EPB41L2: variants seen among roughly 807,000 people sequenced by gnomAD.
EPB41L2 encodes band 4.1-like protein 2.
A neutral mutation model predicts 113.0 loss-of-function variants in EPB41L2; 43 were observed. The ratio of observed to expected loss-of-function variants is 0.38; its 90% CI spans 0.30 to 0.49. The LOEUF (loss-of-function observed/expected upper bound fraction) is 0.49. Ranked by LOEUF, EPB41L2 falls within the 20% of genes least tolerant of loss-of-function variation. The pLI is 0.95. For synonymous variants in EPB41L2, 442 were observed against 436.7 expected (o/e 1.01, Z -0.15); for missense variants, 1,147 against 1,223.4 (o/e 0.94, Z 0.93).
chr6:130,867,968 ACACACTCTCTCTCT>A (rs1285428011), intron 15 of EPB41L2: 66 of 133,316 alleles, frequency 5.0e-4, no homozygotes, highest in African/African-American at 8.1e-4. Context: ...ACACACACAC[ACACACTCTCTCTCT>A]CTCTCTCTCT....
intron 4 of EPB41L2, among the ~76,000 whole-genome samples, chr6:130,920,851 C>T (rs1236046680): frequency 6.6e-6 from 1 of 152,094 alleles, no homozygotes; most frequent in East Asian, 1.9e-4. Context: ...CCTTCACCTA[C>T]TCCCTGATCC....
chr6:130,898,589 T>C (rs1795339585), intron 8 of EPB41L2, among the ~76,000 whole-genome samples: 1 of 152,224 alleles, frequency 6.6e-6, no homozygotes, highest in African/African-American at 2.4e-5. Context: ...GGCAACCAAC[T>C]ATAGCGATGT....
At chr6:130,924,573 G>A (rs1804006158) in intron 4 of EPB41L2, among the ~76,000 whole-genome samples, 1 of 152,012 alleles carries the variant, frequency 6.6e-6, no homozygotes, top group African/African-American at 2.4e-5. Context: ...GTAGAGACGG[G>A]GTTTCACCAT....
chr6:130,944,172 T>TACACACACACAC (rs869217556), intron 3 of EPB41L2, among the ~76,000 whole-genome samples: 3 of 125,552 alleles, frequency 2.4e-5, no homozygotes, highest in Non-Finnish European at 3.3e-5. Flanking sequence ...TACACACACA[T>TACACACACACAC]ACACACACAC....
chr6:130,865,659 C>T (rs750036736), intron 16 of EPB41L2, 25 bp from the exon 17 acceptor site: 2 of 1,606,154 alleles, frequency 1.2e-6, no homozygotes, highest in African/African-American at 1.3e-5. Flanking sequence ...GGGAAAAATA[C>T]AAAGTAATGC....
At chr6:131,042,540 G>A (rs1794651684) in intron 1 of EPB41L2, among the ~76,000 whole-genome samples, 2 of 152,084 alleles carry the variant, frequency 1.3e-5, no homozygotes, top group African/African-American at 4.8e-5. Context: ...AAAAACAAAT[G>A]ATTACAAAAT....
intron 5 of EPB41L2, among the ~76,000 whole-genome samples, chr6:130,907,126 T>C (rs1255860422): frequency 2.0e-5 from 3 of 151,890 alleles, no homozygotes; most frequent in South Asian, 2.1e-4. Flanking sequence ...AACAAAACCA[T>C]AGGAAACAAC....
intron 1 of EPB41L2, among the ~76,000 whole-genome samples, chr6:131,017,619 T>C (rs1562740403): frequency 6.6e-6 from 1 of 152,190 alleles, no homozygotes; most frequent in Non-Finnish European, 1.5e-5. Flanking sequence ...GTTCCAAAGT[T>C]TTGCTATTAT....
chr6:130,945,926 T>C (rs9492764), intron 3 of EPB41L2, among the ~76,000 whole-genome samples: 118,844 of 152,088 alleles, frequency 0.78, 46,941 homozygotes, highest in East Asian at 1. Flanking sequence ...GTCCCTGAAG[T>C]AAACATGCAG....
intron 4 of EPB41L2, among the ~76,000 whole-genome samples, chr6:130,915,026 G>A (rs1469884863): frequency 2.6e-5 from 4 of 152,172 alleles, no homozygotes; most frequent in Non-Finnish European, 2.9e-5. Flanking sequence ...ATCACCGGCC[G>A]GGCGCGGTGG....
chr6:130,936,396 G>A (rs1808799306), intron 3 of EPB41L2, among the ~76,000 whole-genome samples: 1 of 152,134 alleles, frequency 6.6e-6, no homozygotes, highest in Non-Finnish European at 1.5e-5. Flanking sequence ...TAAGTCCTTG[G>A]ACACTAGGGA....
intron 19 of EPB41L2, among the ~76,000 whole-genome samples, chr6:130,856,092 A>G (rs1780134899): frequency 1.3e-5 from 2 of 152,212 alleles, no homozygotes; most frequent in African/African-American, 4.8e-5. Flanking sequence ...CTGGCTACTT[A>G]TGTAGGAAAC....
At chr6:130,964,552 C>T (rs1318111302) in intron 1 of EPB41L2, among the ~76,000 whole-genome samples, 3 of 150,968 alleles carry the variant, frequency 2.0e-5, no homozygotes, top group African/African-American at 7.3e-5. Flanking sequence ...AGATTAGATG[C>T]TATAATACAT....
intron 19 of EPB41L2, among the ~76,000 whole-genome samples, chr6:130,848,009 G>A (rs1300638694): frequency 2.6e-5 from 4 of 151,874 alleles, no homozygotes; most frequent in Non-Finnish European, 5.9e-5. Flanking sequence ...AACTAACAAA[G>A]CTTTCATCTT....
intron 14 of EPB41L2, among the ~76,000 whole-genome samples, chr6:130,875,808 C>A (rs1787353989): frequency 6.6e-6 from 1 of 151,868 alleles, no homozygotes; most frequent in South Asian, 2.1e-4. Flanking sequence ...CCAGTCTGGT[C>A]AACATAGTGA....
chr6:130,996,769 G>A (rs1030181121), intron 1 of EPB41L2, among the ~76,000 whole-genome samples: 65 of 152,216 alleles, frequency 4.3e-4, no homozygotes, highest in African/African-American at 1.5e-3. Flanking sequence ...GACTGGAAAT[G>A]TTCAACCAAA....
At chr6:130,856,610 A>G (rs1780289429) in intron 19 of EPB41L2, among the ~76,000 whole-genome samples, 2 of 152,252 alleles carry the variant, frequency 1.3e-5, no homozygotes, top group Admixed American at 1.3e-4. Flanking sequence ...TAGTGGATGC[A>G]ACAGCAGGTG....
intron 1 of EPB41L2, among the ~76,000 whole-genome samples, chr6:131,006,266 A>C (rs528083371): frequency 9.2e-5 from 14 of 151,738 alleles, no homozygotes; most frequent in Non-Finnish European, 2.1e-4. Flanking sequence ...CAGGTTGGCC[A>C]GGCTGGTCTC....
intron 19 of EPB41L2, among the ~76,000 whole-genome samples, chr6:130,848,466 A>G (rs776587263): frequency 2.5e-4 from 38 of 152,368 alleles, no homozygotes; most frequent in Non-Finnish European, 4.9e-4. Context: ...TATTATTTCA[A>G]TAAGTAATTA....
Sources: allele counts gnomAD v4.1 joint callset (sites outside exome capture counted in the v4.1 genomes callset), GRCh38; gene constraint gnomAD v4.1.1; transcripts MANE v1.5; gene names NCBI Gene and HGNC (gene_info 2026-07-23, HGNC 2026-07-21).